Variants in PI4KB observed in about 807,000 individuals in gnomAD.
PI4KB encodes PtdIns 4-kinase beta.
A neutral mutation model predicts 81.4 loss-of-function variants in PI4KB; 23 were observed. That is an observed-to-expected ratio of 0.28 (90% confidence interval 0.20 to 0.40). The LOEUF (loss-of-function observed/expected upper bound fraction) is 0.40. Among genes scored for constraint, PI4KB ranks in the 10% least tolerant of loss-of-function variants. PI4KB has a pLI of 1.00. For missense variants in PI4KB, 651 were observed against 1,036.6 expected (o/e 0.63, Z 5.11); for synonymous variants, 381 against 406.8 (o/e 0.94, Z 0.76).
At chr1:151,303,283 G>A (rs1233007546) in intron 6 of PI4KB, 4 of 393,670 alleles carry the variant, frequency 1.0e-5, no homozygotes, top group Non-Finnish European at 1.5e-5. Flanking sequence ...ACAGGTGTGA[G>A]CCACTATGCC....
chr1:151,297,318 G>A (rs1028935793), intron 9 of PI4KB, among the ~76,000 whole-genome samples: 1 of 150,702 alleles, frequency 6.6e-6, no homozygotes, highest in Non-Finnish European at 1.5e-5. Flanking sequence ...GGGCTCAAGC[G>A]ATCCTCCTGC....
At chr1:151,296,032 G>A (rs1694760123) in intron 9 of PI4KB, among the ~76,000 whole-genome samples, 2 of 152,196 alleles carry the variant, frequency 1.3e-5, no homozygotes, top group Admixed American at 6.5e-5. Flanking sequence ...GATCACCTGA[G>A]GTCAGGAGTT....
chr1:151,294,355 T>C, intron 10 of PI4KB, 54 bp downstream of exon 10: 1 of 1,594,994 alleles, frequency 6.3e-7, no homozygotes, highest in Non-Finnish European at 8.5e-7. Flanking sequence ...CCCTCTCCCA[T>C]GACAGAGAAA....
Position 151,294,065 on chromosome 1 carries a change from C to T in PI4KB, c.2222G>A (p.Arg741Gln). 6.2e-7 allele frequency: 1 copy of T among 1,614,094 alleles called. No individual in the cohort carries two copies. The highest frequency in any genetic ancestry group is 1.3e-5 in the African/African-American group (1 of 75,018). The change falls in exon 11 of 12, where the codon CGG becomes CAG. Residue 741 changes from arginine to glutamine, a missense_variant. By Grantham distance (43) the Arg-to-Gln change is conservative (BLOSUM62 1). Around this residue, in one of 5 missense-constraint regions of PI4KB, gnomAD observed 70 missense variants for 108.1 expected, o/e 0.65. Coordinates refer to ENST00000368873, the MANE Select transcript of PI4KB (RefSeq NM_001369623.2). ...CTGCACCACCTTGTCCATGTGTTTCCGAGCGGCAATCAGCCCTTGCAGCAT... is the reference window on the plus strand; with the variant it reads ...CTGCACCACCTTGTCCATGTGTTTCTGAGCGGCAATCAGCCCTTGCAGCAT... ...MLMLQGLIAA[R>Q]KHMDKVVQIV...
rs1280534468 is a variant in PI4KB, at chr1:151,310,255, C to T, written c.910G>A (p.Glu304Lys). 1.4e-5 allele frequency: 22 copies of T among 1,600,096 alleles called. No homozygotes were observed. Among genetic ancestry groups the T allele is most frequent in the Non-Finnish European group, 1.8e-5 (21 of 1,172,874 alleles). Residue 304 changes from glutamate (E) to lysine (K), a missense_variant and splice_region_variant, in exon 3 of 12, where the codon GAG becomes AAG. Coordinates refer to ENST00000368873, the MANE Select transcript of PI4KB (RefSeq NM_001369623.2). Reference sequence around the variant, plus strand: ...ATACTCTCGGTGCTGGAGGAGAGCTCCTGGGAAAGGGCCAGAGGGCAAAGG... The same window carrying T: ...ATACTCTCGGTGCTGGAGGAGAGCTTCTGGGAAAGGGCCAGAGGGCAAAGG... Reference protein sequence around the residue: ...SNPKVENEDEELSSSTESIDN... With the variant: ...SNPKVENEDEKLSSSTESIDN...
chr1:151,307,639 C>A lies in PI4KB; in HGVS notation c.1117G>T (p.Gly373Cys). The A allele has an allele frequency of 6.2e-7, 1 of 1,614,178 alleles. No individual in the cohort carries two copies. Among genetic ancestry groups the A allele is most frequent in the Non-Finnish European group, 8.5e-7 (1 of 1,180,036 alleles). Residue 373 changes from glycine (G) to cysteine (C), a missense_variant, in exon 4 of 12, where the codon GGC (glycine) becomes TGC (cysteine). Around this residue, in one of 5 missense-constraint regions of PI4KB, gnomAD observed 246 missense variants for 430.1 expected, o/e 0.57. Coordinates refer to ENST00000368873, the MANE Select transcript of PI4KB (RefSeq NM_001369623.2). ...LPARVWLPTA[G>C]FDHHVVRVPH... Reference sequence around the variant, plus strand: ...ACACGGACCACGTGGTGGTCAAAGCCAGCAGTGGGCAGCCAGACTCGGGCA... The same window carrying A: ...ACACGGACCACGTGGTGGTCAAAGCAAGCAGTGGGCAGCCAGACTCGGGCA...
Position 151,294,030 on chromosome 1 carries a change from T to G in PI4KB, c.2257A>C (p.Ile753Leu). 1 of 1,613,864 alleles carries G rather than the reference T, an allele frequency of 6.2e-7. No homozygotes were observed. The change falls in exon 11 of 12, where the codon ATC (isoleucine) becomes CTC (leucine). Residue 753 changes from isoleucine to leucine, a missense_variant. Physicochemically the swap from Ile to Leu is conservative, Grantham distance 5. Around this residue, in one of 5 missense-constraint regions of PI4KB, gnomAD observed 70 missense variants for 108.1 expected, o/e 0.65. Transcript: ENST00000368873. Reference sequence around the variant, plus strand: ...ACCCCAGCCCCACCTTGCTGCATGATCTCCACGATCTGCACCACCTTGTCC... The same window carrying G: ...ACCCCAGCCCCACCTTGCTGCATGAGCTCCACGATCTGCACCACCTTGTCC... ...HMDKVVQIVE[I>L]MQQGSQLPCF... is the part of the protein sequence containing the mutation.
chr1:151,293,372 C>T, intron 11 of PI4KB: 1 of 1,325,894 alleles, frequency 7.5e-7, no homozygotes, highest in South Asian at 1.3e-5. Flanking sequence ...GGTTGCAGAC[C>T]TCTGCCTATG....
intron 4 of PI4KB, among the ~76,000 whole-genome samples, chr1:151,307,367 C>T (rs1464389707): frequency 6.6e-6 from 1 of 152,058 alleles, no homozygotes; most frequent in Non-Finnish European, 1.5e-5. Context: ...TTCTTTGGTC[C>T]AGAAAAACAA....
Position 151,291,998 on chromosome 1 carries a change from A to G in PI4KB, c.*854T>C, listed in dbSNP as rs1694306859. 6.6e-6 allele frequency: 1 copy of G among 152,122 alleles called. No individual in the cohort carries two copies. Among genetic ancestry groups the G allele is most frequent in the South Asian group, 2.1e-4 (1 of 4,826 alleles). The allele number at this position is 152,122 out of a possible 1,614,324, so 9.4% of individuals were successfully genotyped here. A position where few individuals can be genotyped will look rare whatever the true frequency, so the allele number is the denominator to read the frequency against. On this transcript the variant is annotated 3_prime_UTR_variant, in exon 12 of 12. Transcript: ENST00000368873. Reference sequence around the variant, plus strand: ...CCGCCCTTCTCAGGGAAGAGGTGGTAGTGACCAAGACAGGCAGGGAAAAAG... The same window carrying G: ...CCGCCCTTCTCAGGGAAGAGGTGGTGGTGACCAAGACAGGCAGGGAAAAAG...
Position 151,323,722 on chromosome 1 carries a change from TCAAA to T in PI4KB, c.-29+3545_-29+3548del, listed in dbSNP as rs367868681. On this transcript the variant is annotated intron_variant, in intron 1 of 11. Coordinates refer to ENST00000368873, the MANE Select transcript of PI4KB (RefSeq NM_001369623.2). ...CTGGGCGACAGAACGAGACTCCATC[TCAAA>T]CAAACAAACAAAAACAACAACAAAA... Among the ~76,000 whole-genome samples, 49 of 151,850 alleles carry T rather than the reference TCAAA, an allele frequency of 3.2e-4. No homozygotes were observed. In the South Asian group the frequency reaches 8.9e-3, roughly 28 times the overall value.
chr1:151,297,628 C>T (rs1185779556), intron 9 of PI4KB, among the ~76,000 whole-genome samples: 2 of 151,786 alleles, frequency 1.3e-5, no homozygotes, highest in Non-Finnish European at 2.9e-5. Flanking sequence ...ACCTCTGCCT[C>T]CCGGGTTCAA....
chr1:151,327,380 C>T lies in PI4KB; in HGVS notation c.-138G>A. 2.5e-6 allele frequency: 1 copy of T among 398,028 alleles called. No individual in the cohort carries two copies. Among genetic ancestry groups the T allele is most frequent in the Non-Finnish European group, 4.4e-6 (1 of 225,634 alleles). The allele number at this position is 398,028 out of a possible 1,614,324, so 24.7% of individuals were successfully genotyped here. ...GGTTCCATTGGCCGCCTGCGCTTCC[C>T]TGACAGCGGCCGCGGAGGCTGCACC... On this transcript the variant is annotated 5_prime_UTR_variant, in exon 1 of 12. Coordinates refer to ENST00000368873, the MANE Select transcript of PI4KB (RefSeq NM_001369623.2).
At position 151,302,220 on chromosome 1, in the gene PI4KB, G is replaced by C; in HGVS notation, c.1599C>G (p.Leu533=). Reference sequence around the variant, plus strand: ...GTACTTTCTCCTGCCAGGGCTCTTTGAGAGCAACTGCAGAAGGATCTTCTG... The same window carrying C: ...GTACTTTCTCCTGCCAGGGCTCTTTCAGAGCAACTGCAGAAGGATCTTCTG... ...RDPEDPSAVA[L]KEPWQEKVRR... The change falls in exon 7 of 12, where the codon CTC becomes CTG. Residue 533 remains leucine (L), a synonymous_variant. Coordinates refer to ENST00000368873, the MANE Select transcript of PI4KB (RefSeq NM_001369623.2). 1 of 1,613,956 alleles carries C rather than the reference G, an allele frequency of 6.2e-7. No individual in the cohort carries two copies. The highest frequency in any genetic ancestry group is 8.5e-7 in the Non-Finnish European group (1 of 1,179,788).
chr1:151,299,107 T>G (rs968458738), intron 8 of PI4KB, 34 bp from the exon 9 acceptor site: 1 of 1,595,584 alleles, frequency 6.3e-7, no homozygotes, highest in Non-Finnish European at 8.6e-7. Context: ...AGGACTCTTA[T>G]CTTTCTCCAA....
chr1:151,295,921 T>G (rs1694752716), intron 9 of PI4KB, among the ~76,000 whole-genome samples: 1 of 152,194 alleles, frequency 6.6e-6, no homozygotes, highest in Non-Finnish European at 1.5e-5. Context: ...TTTGAGATAG[T>G]CTGAAGCTTG....
At position 151,315,783 on chromosome 1, in the gene PI4KB, C is replaced by T. The variant is rs570563924; in HGVS notation, c.699G>A (p.Gly233=). ...MHISTQRHSR[G]TKLRKLILSD... ...AGAGGATCAGCTTCCGTAGCTTGGT[C>T]CCACGGGAGTGTCGTTGAGTGGAAA... is the stretch of plus-strand genomic sequence containing the variant. The change falls in exon 2 of 12, where the codon GGG becomes GGA. Residue 233 remains glycine (G), a synonymous_variant. Transcript: ENST00000368873. 2.5e-6 allele frequency: 4 copies of T among 1,612,656 alleles called. No individual in the cohort carries two copies. In the Middle Eastern group the frequency reaches 5.0e-4, roughly 200 times the overall value.
rs186225452 is a variant in PI4KB at position 151,310,392 on chromosome 1, G to T, written c.910-137C>A. Reference sequence around the variant, plus strand: ...GTTCTACCTTTCTGCTTTAATAAAAGAAAGTCAACTCAGAAATGCTACTTG... The same window carrying T: ...GTTCTACCTTTCTGCTTTAATAAAATAAAGTCAACTCAGAAATGCTACTTG... On this transcript the variant is annotated intron_variant, in intron 2 of 11. Transcript: ENST00000368873. 6 of 636,712 alleles carry T rather than the reference G, an allele frequency of 9.4e-6. No individual in the cohort carries two copies. The East Asian group carries it at 1.4e-4, about 15-fold the overall frequency. The allele number at this position is 636,712 out of a possible 1,614,324, so 39.4% of individuals were successfully genotyped here.
intron 2 of PI4KB, among the ~76,000 whole-genome samples, chr1:151,314,942 A>G (rs1053866593): frequency 6.6e-6 from 1 of 152,168 alleles, no homozygotes; most frequent in African/African-American, 2.4e-5. Context: ...CACAGTTCTC[A>G]TTAACATAGT....
Sources: gnomAD v4.1 joint callset for allele counts (sites outside exome capture counted in the v4.1 genomes callset) on GRCh38, gnomAD v4.1.1 for gene constraint, gnomAD v4.1.1 regional missense constraint, MANE v1.5 for transcripts, NCBI Gene and HGNC (gene_info 2026-07-23, HGNC 2026-07-21) for gene names.